CELSR1: variants seen among roughly 807,000 people sequenced by gnomAD.
CELSR1 encodes the protein adhesion G protein-coupled receptor C1.
In CELSR1, 110 loss-of-function variants were observed where a neutral mutation model predicts 249.1. That is an observed-to-expected ratio of 0.44 (90% CI 0.38 to 0.52). The LOEUF (loss-of-function observed/expected upper bound fraction) is 0.52, where lower values mean the gene tolerates loss of function less well. Among genes scored for constraint, CELSR1 ranks in the 20% least tolerant of loss-of-function variants. CELSR1 has a pLI of 0.00. For synonymous variants in CELSR1, 2,113 were observed against 1,900.0 expected (o/e 1.11, Z -2.92); for missense variants, 4,109 against 4,296.4 (o/e 0.96, Z 1.22).
chr22:46,466,249 C>G (rs1171206409), intron 1 of CELSR1, among the ~76,000 whole-genome samples: 3 of 152,230 alleles, frequency 2.0e-5, no homozygotes, highest in Admixed American at 1.3e-4. Flanking sequence ...CCTTCCCTCC[C>G]CGACCCCAGC....
At chr22:46,449,682 C>A (rs1315618685) in intron 2 of CELSR1, among the ~76,000 whole-genome samples, 1 of 152,066 alleles carries the variant, frequency 6.6e-6, no homozygotes, top group East Asian at 1.9e-4. Context: ...TTCAGAAAAA[C>A]CAAAAATACA....
Position 46,386,421 on chromosome 22 carries a change from G to A in CELSR1, c.6720C>T (p.Val2240=). 5.0e-6 allele frequency: 8 copies of A among 1,584,500 alleles called. No individual in the cohort carries two copies. Among genetic ancestry groups the A allele is most frequent in the Non-Finnish European group, 6.9e-6 (8 of 1,165,654 alleles). The change falls in exon 19 of 35, where the codon GTC becomes GTT. Residue 2240 remains valine (V), a synonymous_variant. Coordinates refer to ENST00000674500, the MANE Select transcript of CELSR1 (RefSeq NM_001378328.1). The stretch of plus-strand genomic sequence containing the variant: ...CCTTACTCATGTTGGCGGTGACGAT[G>A]ACGAAGGGCCGCAGGTACGTCCGCC... ...NVRRTYLRPF[V]IVTANMILAV...
At chr22:46,439,153 G>C in intron 3 of CELSR1, 36 bp downstream of exon 3, 2 of 1,580,072 alleles carry the variant, frequency 1.3e-6, no homozygotes, top group Non-Finnish European at 8.6e-7. Context: ...CTTTCCTAAA[G>C]AGACCCCCGT....
intron 1 of CELSR1, chr22:46,481,607 A>G (rs1166332566): frequency 2.8e-5 from 20 of 726,942 alleles, no homozygotes; most frequent in Non-Finnish European, 5.0e-5. Flanking sequence ...TGCTCCGTGG[A>G]GGCCTGACTG....
rs2080337231 is a variant in CELSR1, at chr22:46,488,478, C to CACTGA, written c.3545-24134_3545-24133insTCAGT. Among the ~76,000 whole-genome samples, 1 of 152,142 alleles carries CACTGA rather than the reference C, an allele frequency of 6.6e-6. No individual in the cohort carries two copies. The highest frequency in any genetic ancestry group is 6.5e-5 in the Admixed American group (1 of 15,280). ...GTGCGTGCCAGTGAGCTCAGTGGGA[C>CACTGA]GGTTCGGCAGGAACACGGCTTGAAC... On this transcript the variant is annotated intron_variant, in intron 1 of 34. Transcript: ENST00000674500. The surrounding 1 kb of genome is among the most constrained non-coding windows in gnomAD (Gnocchi z 4.7).
chr22:46,363,896 T>G lies in CELSR1; in HGVS notation c.9035+100A>C. 1 of 1,397,986 alleles carries G rather than the reference T, an allele frequency of 7.2e-7. No homozygotes were observed. Among genetic ancestry groups the G allele is most frequent in the Non-Finnish European group, 9.4e-7 (1 of 1,062,724 alleles). The allele number at this position is 1,397,986 out of a possible 1,614,324, so 86.6% of individuals were successfully genotyped here. A position where few individuals can be genotyped will look rare whatever the true frequency, so the allele number is the denominator to read the frequency against. ...CTTCCTCTGCACTCAGGGCTCCAGG[T>G]GAGGTGGGTGTCAGGTCCCTGACCA... On this transcript the variant is annotated intron_variant, in intron 34 of 34. Coordinates refer to ENST00000674500, the MANE Select transcript of CELSR1 (RefSeq NM_001378328.1). This position sits in a 1 kb window ranked among gnomAD's most constrained non-coding sequence, Gnocchi z 4.3.
In CELSR1 at chr22:46,499,573, A is replaced by G. The variant is rs1004169557; in HGVS notation, c.3544+34054T>C. On this transcript the variant is annotated intron_variant, in intron 1 of 34. Transcript: ENST00000674500. ...CATCCAATTGTATATATCTATTTTC[A>G]GGAAGCCCTGGCACAGATATGCAAA... Among the ~76,000 whole-genome samples the G allele has an allele frequency of 2.0e-5, 3 of 152,340 alleles. No homozygotes were observed. In the South Asian group the frequency reaches 6.2e-4, roughly 32 times the overall value.
In CELSR1 at chr22:46,436,352, A is replaced by C; in HGVS notation, c.4407-63T>G. ...CCCCAGGGTCCAAAGGCTGCCTAGG[A>C]ATGACAAGTCCAGCCGGAGGAGGGC... On this transcript the variant is annotated intron_variant, in intron 3 of 34. Coordinates refer to ENST00000674500, the MANE Select transcript of CELSR1 (RefSeq NM_001378328.1). This position sits in a 1 kb window ranked among gnomAD's most constrained non-coding sequence, Gnocchi z 5.9. The C allele has an allele frequency of 2.3e-6, 3 of 1,296,668 alleles. No homozygotes were observed. The highest frequency in any genetic ancestry group is 3.3e-6 in the Non-Finnish European group (3 of 900,254). 80.3% of individuals were successfully genotyped at this position (1,296,668 alleles called of 1,614,324 possible).
intron 9 of CELSR1, among the ~76,000 whole-genome samples, chr22:46,404,489 T>C (rs905007393): frequency 2.0e-5 from 3 of 152,072 alleles, no homozygotes; most frequent in African/African-American, 4.8e-5. Flanking sequence ...AAATATCACA[T>C]CAGTCTAAGA....
Position 46,391,048 on chromosome 22 carries a change from G to A in CELSR1, c.6250+138C>T. ...TTGTGTATTTCCTGGTAGGGAAAAG[G>A]CGATCGGATTTCTCCCCAGCACTTT... On this transcript the variant is annotated intron_variant, in intron 16 of 34. Transcript: ENST00000674500. The surrounding 1 kb of genome is among the most constrained non-coding windows in gnomAD (Gnocchi z 4.3). 5.8e-6 allele frequency: 4 copies of A among 684,776 alleles called. No individual in the cohort carries two copies. The highest frequency in any genetic ancestry group is 9.8e-6 in the Non-Finnish European group (4 of 406,600). 42.4% of individuals were successfully genotyped at this position (684,776 alleles called of 1,614,324 possible).
Position 46,512,299 on chromosome 22 carries a change from G to A in CELSR1, c.3544+21328C>T, listed in dbSNP as rs899170046. On this transcript the variant is annotated intron_variant, in intron 1 of 34. Transcript: ENST00000674500. This position sits in a 1 kb window ranked among gnomAD's most constrained non-coding sequence, Gnocchi z 5.2. ...TCAAGGTCCAATACTGGCCAGGTGC[G>A]GTGGCACATGCCTGTAATCCCAGCA... 7.2e-5 allele frequency among the ~76,000 whole-genome samples: 11 copies of A among 152,198 alleles called. 1 individual carries two copies. The highest frequency in any genetic ancestry group is 1.2e-4 in the Non-Finnish European group (8 of 68,032).
chr22:46,523,653 G>A (rs967285277), intron 1 of CELSR1, among the ~76,000 whole-genome samples: 3 of 152,200 alleles, frequency 2.0e-5, no homozygotes, highest in Non-Finnish European at 4.4e-5. Context: ...GCGACTCCCC[G>A]GCTAGTACAA....
At chr22:46,444,946 C>T (rs1207954480) in intron 2 of CELSR1, among the ~76,000 whole-genome samples, 2 of 152,212 alleles carry the variant, frequency 1.3e-5, no homozygotes, top group African/African-American at 4.8e-5. Flanking sequence ...TGGCTCGTGC[C>T]TGTAATCCCA....
rs750226703 is a variant in CELSR1 at position 46,433,376 on chromosome 22, G to T, written c.4611+17C>A. On this transcript the variant is annotated intron_variant, in intron 5 of 34. Transcript: ENST00000674500. The surrounding 1 kb of genome is among the most constrained non-coding windows in gnomAD (Gnocchi z 5.7). ...AGCCGCCCTGGGGCCAGGGGGAAGT[G>T]GTGGGGCCCATCTTACCTTGTTGTA... The T allele has an allele frequency of 8.1e-6, 13 of 1,606,226 alleles. No individual in the cohort carries two copies. In the Admixed American group the frequency reaches 2.2e-4, roughly 27 times the overall value.
At chr22:46,369,156 C>T (rs547241727) in intron 27 of CELSR1, 23 bp downstream of exon 27, 76 of 1,611,390 alleles carry the variant, frequency 4.7e-5, no homozygotes, top group African/African-American at 1.3e-4. Context: ...CATGGCTGGC[C>T]GGTCAGGTTC....
At position 46,535,174 on chromosome 22, in the gene CELSR1, G is replaced by C; in HGVS notation, c.1997C>G (p.Pro666Arg). 6.2e-7 allele frequency: 1 copy of C among 1,609,518 alleles called. No individual in the cohort carries two copies. The highest frequency in any genetic ancestry group is 8.5e-7 in the Non-Finnish European group (1 of 1,179,694). ...GGACACGCTGGTGGAGGAGCTCATG[G>C]GGGGCGAGCCGTGGTCCACCGCCTC... Reference protein sequence around the residue: ...GVEAVDHGSPPMSSSTSVSIT... With the variant: ...GVEAVDHGSPRMSSSTSVSIT... The change falls in exon 1 of 35, where the codon CCC (proline) becomes CGC (arginine). Residue 666 changes from proline (P) to arginine (R), a missense_variant. Around this residue, in one of 7 missense-constraint regions of CELSR1, gnomAD observed 886 missense variants for 896.5 expected, o/e 0.99. Coordinates refer to ENST00000674500, the MANE Select transcript of CELSR1 (RefSeq NM_001378328.1).
intron 1 of CELSR1, among the ~76,000 whole-genome samples, chr22:46,492,424 G>A (rs1308000137): frequency 1.3e-5 from 2 of 152,192 alleles, no homozygotes; most frequent in Non-Finnish European, 2.9e-5. Context: ...TTCAACCAGG[G>A]ACAGAAATTA....
chr22:46,536,825 C>T lies in CELSR1; in HGVS notation c.346G>A (p.Ala116Thr), dbSNP rs1318682845. 127 of 1,206,176 alleles carry T rather than the reference C, an allele frequency of 1.1e-4. 2 individuals are homozygous for T. Among genetic ancestry groups the T allele is most frequent in the Non-Finnish European group, 2.1e-6 (2 of 972,366 alleles). The allele number at this position is 1,206,176 out of a possible 1,614,324, so 74.7% of individuals were successfully genotyped here. ...CCGGTTCCGCAGAGCCGGGCACGGG[C>T]TCCGCAGCCGGGAAGGTGCGTGCGC... ...RARTHLPGCG[A>T]RARLCGTGAR... The change falls in exon 1 of 35, where the codon GCC (alanine) becomes ACC (threonine). Residue 116 changes from alanine to threonine, a missense_variant. By Grantham distance (58) the Ala-to-Thr change is moderately conservative. Coordinates refer to ENST00000674500, the MANE Select transcript of CELSR1 (RefSeq NM_001378328.1).
In CELSR1 at chr22:46,464,181, T is replaced by C. The variant is rs1602174098; in HGVS notation, c.3709A>G (p.Thr1237Ala). The C allele has an allele frequency of 1.2e-6, 2 of 1,613,588 alleles. No homozygotes were observed. Among genetic ancestry groups the C allele is most frequent in the Non-Finnish European group, 1.7e-6 (2 of 1,179,992 alleles). Residue 1237 changes from threonine to alanine, a missense_variant, in exon 2 of 35, where the codon ACC becomes GCC. Thr to Ala is a moderately conservative substitution (Grantham distance 58). Transcript: ENST00000674500. The surrounding 1 kb of genome is among the most constrained non-coding windows in gnomAD (Gnocchi z 8.5). Reference protein sequence around the residue: ...FVEGVAAVLSTTKDDVFVFNV... With the variant: ...FVEGVAAVLSATKDDVFVFNV... ...AAGACGAAGACGTCGTCCTTGGTGG[T>C]GGACAGCACGGCGGCCACCCCCTCC... is the stretch of plus-strand genomic sequence containing the variant.
Sources: allele counts gnomAD v4.1 joint callset (sites outside exome capture counted in the v4.1 genomes callset), GRCh38; gene constraint gnomAD v4.1.1; regional missense constraint gnomAD v4.1.1; non-coding constraint Gnocchi (gnomAD v3.1); transcripts MANE v1.5; gene names NCBI Gene and HGNC (gene_info 2026-07-23, HGNC 2026-07-21).